HPN: variants seen among roughly 807,000 people sequenced by gnomAD.
The protein encoded by HPN is serine protease hepsin.
Under a neutral mutation model 55.9 loss-of-function variants are expected in HPN, and 13 were observed. That is an observed-to-expected ratio of 0.23 (90% CI 0.15 to 0.37). The LOEUF (loss-of-function observed/expected upper bound fraction) is 0.37. HPN is among the 10% of genes least tolerant of loss of function. HPN has a pLI of 1.00. For missense variants in HPN, 451 were observed against 575.8 expected (o/e 0.78, Z 2.22); for synonymous variants, 225 against 240.3 (o/e 0.94, Z 0.59).
chr19:35,058,601 C>T (rs2064485691), intron 4 of HPN, among the ~76,000 whole-genome samples: 1 of 144,542 alleles, frequency 6.9e-6, no homozygotes, highest in African/African-American at 2.5e-5. Flanking sequence ...TATATTATAA[C>T]AATATATTAA....
intron 4 of HPN, among the ~76,000 whole-genome samples, chr19:35,058,755 T>A (rs1052863480): frequency 6.6e-5 from 10 of 151,854 alleles, no homozygotes; most frequent in Non-Finnish European, 1.0e-4. Flanking sequence ...ATATGCTGTC[T>A]GTGTACGTAT....
chr19:35,044,237 G>C (rs555738140), intron 2 of HPN, among the ~76,000 whole-genome samples: 13 of 152,334 alleles, frequency 8.5e-5, no homozygotes, highest in African/African-American at 3.1e-4. Context: ...GCTGTTGTTG[G>C]TGTCACTGTT....
chr19:35,043,905 G>T (rs1271233909), intron 2 of HPN, among the ~76,000 whole-genome samples: 1 of 152,232 alleles, frequency 6.6e-6, no homozygotes, highest in African/African-American at 2.4e-5. Flanking sequence ...CAGACACAAA[G>T]TGGGCTCTGG....
chr19:35,065,836 G>A (rs1310463344), intron 11 of HPN, 32 bp from the exon 12 acceptor site: 2 of 1,611,964 alleles, frequency 1.2e-6, no homozygotes, highest in African/African-American at 2.7e-5. Flanking sequence ...AACCACTTTG[G>A]CCTTCAGCCA....
chr19:35,057,898 C>T (rs1385144371), intron 4 of HPN, among the ~76,000 whole-genome samples: 1 of 151,992 alleles, frequency 6.6e-6, no homozygotes, highest in Non-Finnish European at 1.5e-5. Context: ...CACCTATAAT[C>T]GCAGCACTTT....
rs1224637069 is a variant in HPN, at chr19:35,066,255, T to C, written c.1222T>C (p.Ser408Pro). The change falls in exon 13 of 13, where the codon TCC becomes CCC. Residue 408 changes from serine (S) to proline (P), a missense_variant. Ser to Pro is a moderately conservative substitution (Grantham distance 74). This residue lies in a region of HPN where 73 missense variants were observed against 130.3 expected (regional missense o/e 0.56). Transcript: ENST00000672452. ...EWIFQAIKTHSEASGMVTQL is the reference protein window; with the variant it reads ...EWIFQAIKTHPEASGMVTQL ...CCCAGCTGTCTTTCCCCAGACTCACTCCGAAGCCAGCGGCATGGTGACCCA... is the reference window on the plus strand; with the variant it reads ...CCCAGCTGTCTTTCCCCAGACTCACCCCGAAGCCAGCGGCATGGTGACCCA... 2.0e-5 allele frequency: 32 copies of C among 1,613,682 alleles called. No homozygotes were observed. The highest frequency in any genetic ancestry group is 2.3e-5 in the Non-Finnish European group (27 of 1,179,898).
intron 4 of HPN, among the ~76,000 whole-genome samples, chr19:35,053,877 C>T (rs987486443): frequency 6.6e-5 from 10 of 152,156 alleles, no homozygotes; most frequent in South Asian, 2.1e-4. Context: ...AGGTGCCAGG[C>T]GTTCCCTGCC....
rs776818919 is a variant in HPN, at chr19:35,049,314, C to G, written c.41C>G (p.Ser14Cys). Residue 14 changes from serine to cysteine, a missense_variant, in exon 3 of 13, where the codon TCC (serine) becomes TGC (cysteine). Around this residue, in one of 2 missense-constraint regions of HPN, gnomAD observed 378 missense variants for 445.5 expected, o/e 0.85. Transcript: ENST00000672452. ...GGTGGCCGGACTGTGCCATGCTGCT[C>G]CAGACCCAAGGTGGCAGCTCTCACT... The part of the protein sequence containing the change: ...KEGGRTVPCC[S>C]RPKVAALTAG... 17 of 1,586,126 alleles carry G rather than the reference C, an allele frequency of 1.1e-5. No individual in the cohort carries two copies. The highest frequency in any genetic ancestry group is 2.2e-5 in the East Asian group (1 of 44,536).
intron 2 of HPN, among the ~76,000 whole-genome samples, chr19:35,048,028 A>AAAAAGAAAGAAAG (rs1555722915): frequency 4.6e-5 from 4 of 87,392 alleles, no homozygotes; most frequent in Non-Finnish European, 7.0e-5. Flanking sequence ...GAGAGAGAGA[A>AAAAAGAAAGAAAG]AAAGAAAGAA....
chr19:35,041,741 C>A lies in HPN; in HGVS notation c.-186C>A. On this transcript the variant is annotated 5_prime_UTR_variant, in exon 1 of 13. Coordinates refer to ENST00000672452, the MANE Select transcript of HPN (RefSeq NM_001384133.1). Reference sequence around the variant, plus strand: ...CCTCAGGTGAGGCAGCCTGGCCTAGCAGGCCCCACGCCACCGCCTCTGCCT... The same window carrying A: ...CCTCAGGTGAGGCAGCCTGGCCTAGAAGGCCCCACGCCACCGCCTCTGCCT... The A allele has an allele frequency of 1.6e-6, 2 of 1,255,558 alleles. No homozygotes were observed. The highest frequency in any genetic ancestry group is 2.1e-6 in the Non-Finnish European group (2 of 974,270). 77.8% of individuals were successfully genotyped at this position (1,255,558 alleles called of 1,614,324 possible). A position where few individuals can be genotyped will look rare whatever the true frequency, so the allele number is the denominator to read the frequency against.
rs1483913014 is a variant in HPN, at chr19:35,059,952, G to A, written c.369G>A (p.Gly123=). The change falls in exon 6 of 13, where the codon GGG becomes GGA. Residue 123 remains glycine, a synonymous_variant. Transcript: ENST00000672452. ...GTSGFFCVDE[G]RLPHTQRLLE... is the part of the protein sequence containing the mutation. ...CGGGCTTCTTCTGTGTGGACGAGGG[G>A]AGGCTGCCCCACACCCAGAGGCTGC... 6.5e-7 allele frequency: 1 copy of A among 1,545,974 alleles called. No individual in the cohort carries two copies. The highest frequency in any genetic ancestry group is 8.7e-7 in the Non-Finnish European group (1 of 1,146,648).
intron 4 of HPN, among the ~76,000 whole-genome samples, chr19:35,056,479 A>C (rs1174204917): frequency 6.6e-6 from 1 of 152,166 alleles, no homozygotes; most frequent in East Asian, 1.9e-4. Flanking sequence ...TTAGGTGTTA[A>C]CAGGTTCCTC....
At chr19:35,047,644 G>A (rs11084798) in intron 2 of HPN, among the ~76,000 whole-genome samples, 25,687 of 152,110 alleles carry the variant, frequency 0.17, 2,410 homozygotes, top group East Asian at 0.41. Context: ...AAAGGTGCCA[G>A]GCACACAGCG....
chr19:35,040,928 G>A (rs556788812), upstream of HPN, among the ~76,000 whole-genome samples: 1 of 152,298 alleles, frequency 6.6e-6, no homozygotes, highest in East Asian at 1.9e-4. Context: ...GGCCTATCTG[G>A]GGCAAGCAGC....
chr19:35,058,587 TTATTATATTATAACAATATATTAA>T (rs1240179267), intron 4 of HPN, among the ~76,000 whole-genome samples: 52 of 145,996 alleles, frequency 3.6e-4, no homozygotes, highest in East Asian at 1.6e-3. Context: ...TAATAATATA[TTATTATATTATAACAATATATTAA>T]TATTATATTA....
At position 35,066,288 on chromosome 19, in the gene HPN, C is replaced by T; in HGVS notation, c.*1C>T. 2 of 1,611,782 alleles carry T rather than the reference C, an allele frequency of 1.2e-6. No homozygotes were observed. The highest frequency in any genetic ancestry group is 1.7e-6 in the Non-Finnish European group (2 of 1,179,038). On this transcript the variant is annotated 3_prime_UTR_variant, in exon 13 of 13. Coordinates refer to ENST00000672452, the MANE Select transcript of HPN (RefSeq NM_001384133.1). ...CAGCGGCATGGTGACCCAGCTCTGACCGGTGGCTTCTCGCTGCGCAGCCTC... is the reference window on the plus strand; with the variant it reads ...CAGCGGCATGGTGACCCAGCTCTGATCGGTGGCTTCTCGCTGCGCAGCCTC...
Position 35,059,902 on chromosome 19 carries a change from C to T in HPN, c.319C>T (p.Arg107Ter). The stretch of plus-strand genomic sequence containing the variant: ...ACTGACCCACTCCGAGCTGGACGTG[C>T]GAACGGCGGGCGCCAATGGCACGTC... ...RALTHSELDV[R>*]TAGANGTSGF... Residue 107 changes from arginine to a stop codon, truncating the protein, a stop_gained, in exon 6 of 13, where the codon CGA (arginine) becomes TGA (stop). Coordinates refer to ENST00000672452, the MANE Select transcript of HPN (RefSeq NM_001384133.1). LOFTEE classifies it high-confidence loss of function. The T allele has an allele frequency of 6.6e-7, 1 of 1,510,056 alleles. No individual in the cohort carries two copies. The highest frequency in any genetic ancestry group is 2.3e-5 in the East Asian group (1 of 42,908). The allele number at this position is 1,510,056 out of a possible 1,614,324, so 93.5% of individuals were successfully genotyped here. A position where few individuals can be genotyped will look rare whatever the true frequency, so the allele number is the denominator to read the frequency against.
intron 4 of HPN, among the ~76,000 whole-genome samples, chr19:35,055,629 T>G (rs776315477): frequency 6.6e-6 from 1 of 151,778 alleles, no homozygotes; most frequent in Non-Finnish European, 1.5e-5. Flanking sequence ...TGAACTCTTC[T>G]CCCCGTCCAC....
intron 2 of HPN, among the ~76,000 whole-genome samples, chr19:35,045,023 G>A (rs759548737): frequency 2.6e-5 from 4 of 152,118 alleles, no homozygotes; most frequent in African/African-American, 7.2e-5. Context: ...AGACAGGACC[G>A]GGAGGAAGAA....
Sources: allele counts gnomAD v4.1 joint callset (sites outside exome capture counted in the v4.1 genomes callset), GRCh38; gene constraint gnomAD v4.1.1; regional missense constraint gnomAD v4.1.1; transcripts MANE v1.5; gene names NCBI Gene and HGNC (gene_info 2026-07-23, HGNC 2026-07-21).